SPINDOC: variants seen among roughly 807,000 people sequenced by gnomAD.
SPINDOC encodes spindlin interactor and repressor of chromatin binding, also known as spindlin interactor and repressor of chromatin-binding protein.
A neutral mutation model predicts 30.7 loss-of-function variants in SPINDOC; 13 were observed. The observed-to-expected ratio is 0.42, with a 90% CI of 0.28 to 0.67. The LOEUF (loss-of-function observed/expected upper bound fraction) is 0.67, where lower values mean the gene tolerates loss of function less well. Ranked by LOEUF, SPINDOC falls within the 30% of genes least tolerant of loss-of-function variation. The probability of loss-of-function intolerance (pLI) is 0.22; values close to 1 mark genes in which losing one functional copy is unlikely to be tolerated. For missense variants in SPINDOC, 438 were observed against 518.0 expected (o/e 0.85, Z 1.50); for synonymous variants, 228 against 211.4 (o/e 1.08, Z -0.68).
intron 1 of SPINDOC, among the ~76,000 whole-genome samples, chr11:63,816,055 C>T (rs750715505): frequency 3.9e-5 from 6 of 152,152 alleles, no homozygotes; most frequent in Non-Finnish European, 8.8e-5. Context: ...CGTGAGCCAC[C>T]GCACCTGGCC....
chr11:63,818,446 G>T lies in SPINDOC; in HGVS notation c.607+81G>T. 1 of 1,604,758 alleles carries T rather than the reference G, an allele frequency of 6.2e-7. No homozygotes were observed. Among genetic ancestry groups the T allele is most frequent in the Admixed American group, 1.7e-5 (1 of 59,012 alleles). ...GTGAAATACAGGCCCTGTGTTCTGG[G>T]CAGGTATCTTCAGGAGCCCTGGGGT... On this transcript the variant is annotated intron_variant, in intron 3 of 5. Transcript: ENST00000294244. The surrounding 1 kb of genome is among the most constrained non-coding windows in gnomAD (Gnocchi z 5.3).
rs139324042 is a variant in SPINDOC at position 63,815,369 on chromosome 11, T to A, written c.127+1556T>A. Among the ~76,000 whole-genome samples, 595 of 152,356 alleles carry A rather than the reference T, an allele frequency of 3.9e-3. 6 individuals are homozygous for A. The highest frequency in any genetic ancestry group is 0.013 in the African/African-American group (546 of 41,586). On this transcript the variant is annotated intron_variant, in intron 1 of 5. Coordinates refer to ENST00000294244, the MANE Select transcript of SPINDOC (RefSeq NM_138471.3). ...AAGATTGAATTCAAGGTTTTTGGCC[T>A]GAGCAACTGGAGGAAGAGCCTTCCC...
At position 63,824,053 on chromosome 11, in the gene SPINDOC, G is replaced by A. The variant is rs535936913; in HGVS notation, c.935-2875G>A. On this transcript the variant is annotated intron_variant, in intron 5 of 5. Coordinates refer to ENST00000294244, the MANE Select transcript of SPINDOC (RefSeq NM_138471.3). ...CTCCTGAGTAGCTGGGATTACAGGC[G>A]TGCGCCACCACGCCTGGCTAATTTT... 4.6e-5 allele frequency among the ~76,000 whole-genome samples: 7 copies of A among 152,104 alleles called. No homozygotes were observed. In the Middle Eastern group the frequency reaches 0.01, roughly 222 times the overall value.
In SPINDOC at chr11:63,827,263, G is replaced by T; in HGVS notation, c.*124G>T. 6.9e-7 allele frequency: 1 copy of T among 1,459,134 alleles called. No homozygotes were observed. The highest frequency in any genetic ancestry group is 1.3e-5 in the South Asian group (1 of 74,302). The allele number at this position is 1,459,134 out of a possible 1,614,324, so 90.4% of individuals were successfully genotyped here. A position where few individuals can be genotyped will look rare whatever the true frequency, so the allele number is the denominator to read the frequency against. The stretch of plus-strand genomic sequence containing the variant: ...GAAACAGGTGCCAGGGCAGGAGGGG[G>T]CTGGGGCAGCATCCACTGTTATTTC... On this transcript the variant is annotated 3_prime_UTR_variant, in exon 6 of 6. Transcript: ENST00000294244.
rs1332920402 is a variant in SPINDOC at position 63,827,016 on chromosome 11, C to T, written c.1023C>T (p.Asp341=). The T allele has an allele frequency of 6.2e-7, 1 of 1,614,194 alleles. No homozygotes were observed. Among genetic ancestry groups the T allele is most frequent in the South Asian group, 1.1e-5 (1 of 91,080 alleles). Residue 341 remains aspartate (D), a synonymous_variant, in exon 6 of 6, where the codon GAC becomes GAT. Coordinates refer to ENST00000294244, the MANE Select transcript of SPINDOC (RefSeq NM_138471.3). ...EEPPAVSLLQ[D]WSRHPQGTKR... is the part of the protein sequence containing the mutation. Reference sequence around the variant, plus strand: ...CCCCAGCGGTCAGCCTCCTGCAAGACTGGTCCAGGCACCCCCAGGGCACCA... The same window carrying T: ...CCCCAGCGGTCAGCCTCCTGCAAGATTGGTCCAGGCACCCCCAGGGCACCA...
intron 1 of SPINDOC, among the ~76,000 whole-genome samples, chr11:63,814,776 C>T (rs1336579425): frequency 6.6e-6 from 1 of 152,174 alleles, no homozygotes; most frequent in Non-Finnish European, 1.5e-5. Flanking sequence ...GGTCACCTCC[C>T]TTCTCGGAGC....
At chr11:63,815,978 G>A (rs1225021147) in intron 1 of SPINDOC, among the ~76,000 whole-genome samples, 1 of 152,160 alleles carries the variant, frequency 6.6e-6, no homozygotes, top group East Asian at 1.9e-4. Flanking sequence ...TGTTGGTGGG[G>A]TTGGTCTTGA....
intron 5 of SPINDOC, among the ~76,000 whole-genome samples, chr11:63,824,143 C>T (rs368175673): frequency 2.0e-5 from 3 of 151,460 alleles, no homozygotes; most frequent in South Asian, 2.1e-4. Context: ...CTCCTGACCT[C>T]GGGTGATCCG....
intron 5 of SPINDOC, among the ~76,000 whole-genome samples, chr11:63,825,435 C>G (rs1003157847): frequency 3.3e-5 from 5 of 152,178 alleles, no homozygotes; most frequent in Admixed American, 1.3e-4. Flanking sequence ...ATCCTATTAT[C>G]CTATCTCCTT....
intron 1 of SPINDOC, among the ~76,000 whole-genome samples, chr11:63,817,551 G>A (rs1218852937): frequency 6.6e-6 from 1 of 152,112 alleles, no homozygotes; most frequent in Non-Finnish European, 1.5e-5. Context: ...TGTTGGGAAA[G>A]TATGTGTAGT....
chr11:63,815,553 G>C (rs2015316717), intron 1 of SPINDOC, among the ~76,000 whole-genome samples: 1 of 152,220 alleles, frequency 6.6e-6, no homozygotes, highest in Non-Finnish European at 1.5e-5. Flanking sequence ...TATCTAGCTA[G>C]TGGCGTAAAC....
In SPINDOC at chr11:63,822,491, A is replaced by G. The variant is rs17158606; in HGVS notation, c.934+3489A>G. ...CTATACCACTCTTAATTTGGTTTGTATCCTTCAGAGAGAGCTCTCTGTGTG... is the reference window on the plus strand; with the variant it reads ...CTATACCACTCTTAATTTGGTTTGTGTCCTTCAGAGAGAGCTCTCTGTGTG... On this transcript the variant is annotated intron_variant, in intron 5 of 5. Transcript: ENST00000294244. 0.012 allele frequency: 9,211 copies of G among 760,832 alleles called. 669 individuals are homozygous for G. In the African/African-American group the frequency reaches 0.15, roughly 12 times the overall value. 47.1% of individuals were successfully genotyped at this position (760,832 alleles called of 1,614,324 possible). A position where few individuals can be genotyped will look rare whatever the true frequency, so the allele number is the denominator to read the frequency against.
chr11:63,823,029 G>A, intron 5 of SPINDOC: 1 of 1,050,710 alleles, frequency 9.5e-7, no homozygotes, highest in Admixed American at 2.3e-5. Context: ...AACCATAGAG[G>A]ATACCTCACT....
At chr11:63,817,681 G>C (rs2015378799) in intron 1 of SPINDOC, 124 bp from the exon 2 acceptor site, 1 of 879,498 alleles carries the variant, frequency 1.1e-6, no homozygotes, top group Non-Finnish European at 1.7e-6. Flanking sequence ...GAAGGAAGAA[G>C]AACACTTTGG....
Position 63,813,763 on chromosome 11 carries a change from A to C in SPINDOC, c.77A>C (p.Glu26Ala), listed in dbSNP as rs2015259891. Reference sequence around the variant, plus strand: ...AAATGCGAGGAAGGGGAGGACGAGGAGGAGGCCATGGTGGTGGCCGTAATT... The same window carrying C: ...AAATGCGAGGAAGGGGAGGACGAGGCGGAGGCCATGGTGGTGGCCGTAATT... ...TLKCEEGEDE[E>A]EAMVVAVIPR... is the part of the protein sequence containing the mutation. Residue 26 changes from glutamate (E) to alanine (A), a missense_variant, in exon 1 of 6, where the codon GAG becomes GCG. Glu to Ala is a moderately radical substitution (Grantham distance 107). This residue lies in a region of SPINDOC where 129 missense variants were observed against 152.7 expected (regional missense o/e 0.84). Coordinates refer to ENST00000294244, the MANE Select transcript of SPINDOC (RefSeq NM_138471.3). 3 of 1,592,698 alleles carry C rather than the reference A, an allele frequency of 1.9e-6. No individual in the cohort carries two copies. The highest frequency in any genetic ancestry group is 1.7e-5 in the Admixed American group (1 of 58,298).
At chr11:63,819,698 T>A (rs1283295798) in intron 5 of SPINDOC, among the ~76,000 whole-genome samples, 1 of 152,152 alleles carries the variant, frequency 6.6e-6, no homozygotes. Context: ...GGTTTCGCCA[T>A]GTTGGCCAGG....
rs749012260 is a variant in SPINDOC, at chr11:63,818,067, G to A, written c.390G>A (p.Glu130=). 1.2e-6 allele frequency: 2 copies of A among 1,614,066 alleles called. No homozygotes were observed. The highest frequency in any genetic ancestry group is 2.7e-5 in the African/African-American group (2 of 74,908). ...CTTCTGAGAAGAGCAATATCCTGGAGGCCTGGAGTGAAGGGGTGGCCCTCT... is the reference window on the plus strand; with the variant it reads ...CTTCTGAGAAGAGCAATATCCTGGAAGCCTGGAGTGAAGGGGTGGCCCTCT... The part of the protein sequence containing the change: ...LSPSEKSNIL[E]AWSEGVALLQ... The change falls in exon 2 of 6, where the codon GAG becomes GAA. Residue 130 remains glutamate (E), a synonymous_variant. Transcript: ENST00000294244. The surrounding 1 kb of genome is among the most constrained non-coding windows in gnomAD (Gnocchi z 5.3).
chr11:63,818,786 C>T lies in SPINDOC; in HGVS notation c.734-16C>T, dbSNP rs368084206. ...AGGCTTTTTCACTCACAGTTCCATC[C>T]CGTCCTCCCTTCCAGAGCCCCCATC... On this transcript the variant is annotated splice_polypyrimidine_tract_variant and intron_variant, in intron 4 of 5. Coordinates refer to ENST00000294244, the MANE Select transcript of SPINDOC (RefSeq NM_138471.3). The surrounding 1 kb of genome is among the most constrained non-coding windows in gnomAD (Gnocchi z 5.3). 116 of 1,613,326 alleles carry T rather than the reference C, an allele frequency of 7.2e-5. No homozygotes were observed. In the African/African-American group the frequency reaches 1.4e-3, roughly 19 times the overall value.
chr11:63,813,498 T>C lies in SPINDOC; in HGVS notation c.-189T>C. 1 of 261,446 alleles carries C rather than the reference T, an allele frequency of 3.8e-6. No homozygotes were observed. Among genetic ancestry groups the C allele is most frequent in the Non-Finnish European group, 5.8e-6 (1 of 171,014 alleles). The allele number at this position is 261,446 out of a possible 1,614,324, so 16.2% of individuals were successfully genotyped here. A position where few individuals can be genotyped will look rare whatever the true frequency, so the allele number is the denominator to read the frequency against. On this transcript the variant is annotated 5_prime_UTR_variant, in exon 1 of 6. Coordinates refer to ENST00000294244, the MANE Select transcript of SPINDOC (RefSeq NM_138471.3). Reference sequence around the variant, plus strand: ...CCCGGGCTCCCGACGCGCCGAGGTCTCGGGGAGGCCCGGACGCGCCGGTCG... The same window carrying C: ...CCCGGGCTCCCGACGCGCCGAGGTCCCGGGGAGGCCCGGACGCGCCGGTCG...
Sources: gnomAD v4.1 joint callset for allele counts (sites outside exome capture counted in the v4.1 genomes callset) on GRCh38, gnomAD v4.1.1 for gene constraint, gnomAD v4.1.1 regional missense constraint, Gnocchi (gnomAD v3.1) non-coding constraint, MANE v1.5 for transcripts, NCBI Gene and HGNC (gene_info 2026-07-23, HGNC 2026-07-21) for gene names.